LHPP: variants seen among roughly 807,000 people sequenced by gnomAD.
LHPP encodes phospholysine phosphohistidine inorganic pyrophosphate phosphatase, also known as hLHPP.
LHPP carries 24 observed loss-of-function variants against 30.3 expected under a neutral mutation model. The observed-to-expected ratio is 0.79, with a 90% CI of 0.57 to 1.11. The LOEUF (loss-of-function observed/expected upper bound fraction) is 1.11, where lower values mean the gene tolerates loss of function less well. Ranked by LOEUF, LHPP falls within the 50% of genes most tolerant of loss-of-function variation. The pLI is 0.00. For synonymous variants in LHPP, 150 were observed against 157.1 expected (o/e 0.95, Z 0.34); for missense variants, 356 against 367.2 (o/e 0.97, Z 0.25).
intron 6 of LHPP, among the ~76,000 whole-genome samples, chr10:124,579,092 C>G (rs1448642412): frequency 6.6e-6 from 1 of 152,232 alleles, no homozygotes; most frequent in Non-Finnish European, 1.5e-5. Flanking sequence ...TTCCCGGTTA[C>G]CAGCAAGCAG....
chr10:124,558,411 C>T (rs1204144942), intron 6 of LHPP, among the ~76,000 whole-genome samples: 1 of 152,262 alleles, frequency 6.6e-6, no homozygotes, highest in Non-Finnish European at 1.5e-5. Context: ...AAGCATCACT[C>T]ACTTGCCCAA....
intron 6 of LHPP, among the ~76,000 whole-genome samples, chr10:124,581,280 A>G (rs1330527273): frequency 6.6e-6 from 1 of 152,202 alleles, no homozygotes; most frequent in Non-Finnish European, 1.5e-5. Flanking sequence ...TGGATAGAAC[A>G]CAGTTATTTA....
rs747482220 is a variant in LHPP, at chr10:124,523,066, C to T, written c.716+5795C>T. ...CCTGCAGCCACCACCCAGTCAAAGG[C>T]GCCACTGCCTGGGAAGCCCCTGCGC... is the stretch of plus-strand genomic sequence containing the variant. On this transcript the variant is annotated intron_variant, in intron 6 of 6. Transcript: ENST00000368842. The surrounding 1 kb of genome is among the most constrained non-coding windows in gnomAD (Gnocchi z 4.2). Among the ~76,000 whole-genome samples the T allele has an allele frequency of 2.6e-5, 4 of 152,196 alleles. No individual in the cohort carries two copies. The highest frequency in any genetic ancestry group is 5.9e-5 in the Non-Finnish European group (4 of 68,032).
chr10:124,543,076 C>G (rs1025959099), intron 6 of LHPP, among the ~76,000 whole-genome samples: 21 of 152,196 alleles, frequency 1.4e-4, no homozygotes, highest in Admixed American at 1.4e-3. Flanking sequence ...GGTGTGGGCC[C>G]AGCGGGTCCT....
intron 5 of LHPP, chr10:124,498,871 C>T (rs1172611540): frequency 4.4e-5 from 10 of 227,838 alleles, no homozygotes; most frequent in South Asian, 2.5e-4. Flanking sequence ...TATGCCACCA[C>T]GCCTGGCAAA....
chr10:124,469,680 A>C (rs1311646866), intron 1 of LHPP, among the ~76,000 whole-genome samples: 4 of 151,600 alleles, frequency 2.6e-5, no homozygotes, highest in African/African-American at 9.7e-5. Flanking sequence ...TTACTCATAC[A>C]CTCAACAAGC....
At chr10:124,607,685 A>G (rs914666056) in intron 6 of LHPP, among the ~76,000 whole-genome samples, 1 of 152,116 alleles carries the variant, frequency 6.6e-6, no homozygotes, top group Non-Finnish European at 1.5e-5. Context: ...CCTGGGGGCC[A>G]GTCCCCCGGG....
At chr10:124,518,518 C>T (rs1954522478) in intron 6 of LHPP, among the ~76,000 whole-genome samples, 1 of 152,242 alleles carries the variant, frequency 6.6e-6, no homozygotes, top group South Asian at 2.1e-4. Flanking sequence ...CCGTCAGGAG[C>T]CCAGCCCGGC....
chr10:124,559,630 C>T (rs1165545858), intron 6 of LHPP, among the ~76,000 whole-genome samples: 3 of 152,262 alleles, frequency 2.0e-5, no homozygotes, highest in Admixed American at 6.5e-5. Flanking sequence ...TCCGGCTGCC[C>T]GAGGCTGGAA....
At position 124,541,891 on chromosome 10, in the gene LHPP, C is replaced by T. The variant is rs1955200983; in HGVS notation, c.716+24620C>T. 6.6e-6 allele frequency among the ~76,000 whole-genome samples: 1 copy of T among 152,110 alleles called. No homozygotes were observed. The highest frequency in any genetic ancestry group is 2.4e-5 in the African/African-American group (1 of 41,412). On this transcript the variant is annotated intron_variant, in intron 6 of 6. Transcript: ENST00000368842. This position sits in a 1 kb window ranked among gnomAD's most constrained non-coding sequence, Gnocchi z 4.2. Reference sequence around the variant, plus strand: ...TCCCCACTGCAAGGGTGCTGCCTCCCCAGCTCCTACCTGGGGAGATGCTGA... The same window carrying T: ...TCCCCACTGCAAGGGTGCTGCCTCCTCAGCTCCTACCTGGGGAGATGCTGA...
rs1270549880 is a variant in LHPP, at chr10:124,478,134, G to T, written c.126-6005G>T. 4.6e-5 allele frequency among the ~76,000 whole-genome samples: 7 copies of T among 152,218 alleles called. No individual in the cohort carries two copies. The East Asian group carries it at 1.3e-3, about 29-fold the overall frequency. ...CCCAAGCCCCGGGCTTGCAGAGGAG[G>T]CAGGAGGAGGGAGGTGGTGATGTCA... On this transcript the variant is annotated intron_variant, in intron 1 of 6. Transcript: ENST00000368842. The surrounding 1 kb of genome is among the most constrained non-coding windows in gnomAD (Gnocchi z 4.7).
In LHPP at chr10:124,593,045, G is replaced by A. The variant is rs1266243753; in HGVS notation, c.717-20219G>A. Among the ~76,000 whole-genome samples the A allele has an allele frequency of 6.6e-6, 1 of 152,188 alleles. No homozygotes were observed. Reference sequence around the variant, plus strand: ...GCCTCAGTCGGCGTTTCGGGGAACCGGGTACAAGTTGCTAGGGAAATACAG... The same window carrying A: ...GCCTCAGTCGGCGTTTCGGGGAACCAGGTACAAGTTGCTAGGGAAATACAG... On this transcript the variant is annotated intron_variant, in intron 6 of 6. Transcript: ENST00000368842. This position sits in a 1 kb window ranked among gnomAD's most constrained non-coding sequence, Gnocchi z 4.9.
chr10:124,499,345 T>C (rs1953834352), intron 5 of LHPP, among the ~76,000 whole-genome samples: 1 of 151,672 alleles, frequency 6.6e-6, no homozygotes. Context: ...TTCTGAAAGA[T>C]TGTAAGGAAT....
chr10:124,613,082 T>TG, intron 6 of LHPP, 182 bp from the exon 7 acceptor site: 1 of 623,030 alleles, frequency 1.6e-6, no homozygotes, highest in Admixed American at 2.4e-5. Context: ...GGAGGGGCCA[T>TG]GTGTGCCTGA....
At position 124,484,359 on chromosome 10, in the gene LHPP, G is replaced by T. The variant is rs751039640; in HGVS notation, c.313+33G>T. On this transcript the variant is annotated intron_variant, in intron 2 of 6. Transcript: ENST00000368842. ...TGTCGGACACCAGGACCTCACGGGG[G>T]TGAAAGCTCCCCTTTCCCAGGGTGG... The T allele has an allele frequency of 2.3e-5, 36 of 1,589,516 alleles. No individual in the cohort carries two copies. In the South Asian group the frequency reaches 2.9e-4, roughly 13 times the overall value.
rs1435716260 is a variant in LHPP at position 124,592,474 on chromosome 10, C to T, written c.717-20790C>T. Among the ~76,000 whole-genome samples the T allele has an allele frequency of 6.6e-6, 1 of 152,210 alleles. No individual in the cohort carries two copies. The highest frequency in any genetic ancestry group is 1.5e-5 in the Non-Finnish European group (1 of 68,030). Reference sequence around the variant, plus strand: ...GGGAAAATGAGTCACTGGGGCATTCCCCGAACTTGGGAAAAGCCCTGACCC... The same window carrying T: ...GGGAAAATGAGTCACTGGGGCATTCTCCGAACTTGGGAAAAGCCCTGACCC... On this transcript the variant is annotated intron_variant, in intron 6 of 6. Coordinates refer to ENST00000368842, the MANE Select transcript of LHPP (RefSeq NM_022126.4). This position sits in a 1 kb window ranked among gnomAD's most constrained non-coding sequence, Gnocchi z 6.2.
At chr10:124,537,845 C>T (rs569421433) in intron 6 of LHPP, among the ~76,000 whole-genome samples, 2 of 152,338 alleles carry the variant, frequency 1.3e-5, no homozygotes, top group East Asian at 1.9e-4. Flanking sequence ...TGAGTCGCCC[C>T]GTTATGAATG....
In LHPP at chr10:124,593,522, C is replaced by T. The variant is rs958828217; in HGVS notation, c.717-19742C>T. Among the ~76,000 whole-genome samples the T allele has an allele frequency of 1.3e-5, 2 of 152,188 alleles. No homozygotes were observed. The highest frequency in any genetic ancestry group is 2.4e-5 in the African/African-American group (1 of 41,456). On this transcript the variant is annotated intron_variant, in intron 6 of 6. Transcript: ENST00000368842. The surrounding 1 kb of genome is among the most constrained non-coding windows in gnomAD (Gnocchi z 4.9). ...ACACTGGGGTCCTTGTTCTAGCCCC[C>T]GTGTGTTGGCTGCATGACCCGAACT...
At chr10:124,535,815 C>T (rs1564816191) in intron 6 of LHPP, among the ~76,000 whole-genome samples, 1 of 152,250 alleles carries the variant, frequency 6.6e-6, no homozygotes, top group Non-Finnish European at 1.5e-5. Flanking sequence ...CCTGTTGAAT[C>T]AGCTCAGTGC....
Sources: gnomAD v4.1 joint callset for allele counts (sites outside exome capture counted in the v4.1 genomes callset) on GRCh38, gnomAD v4.1.1 for gene constraint, Gnocchi (gnomAD v3.1) non-coding constraint, MANE v1.5 for transcripts, NCBI Gene and HGNC (gene_info 2026-07-23, HGNC 2026-07-21) for gene names.